Variants in NDRG4 observed in about 807,000 individuals in gnomAD.
The protein encoded by NDRG4 is NDRG family member 4.
In NDRG4, 38 loss-of-function variants were observed where a neutral mutation model predicts 55.8. That is an observed-to-expected ratio of 0.68 (90% confidence interval 0.53 to 0.89). The LOEUF (loss-of-function observed/expected upper bound fraction) is 0.89. Ranked by LOEUF, NDRG4 falls within the 40% of genes least tolerant of loss-of-function variation. The pLI is 0.00. For missense variants in NDRG4, 455 were observed against 468.6 expected (o/e 0.97, Z 0.27); for synonymous variants, 190 against 182.7 (o/e 1.04, Z -0.32).
chr16:58,510,702 C>T lies in NDRG4; in HGVS notation c.904+19C>T. On this transcript the variant is annotated intron_variant, in intron 14 of 14. Transcript: ENST00000570248. ...GGAGCAGGTAGCCCCACGGCCCTTC[C>T]CCTGATGCATGGACGCCCAGCCTCC... 6.5e-7 allele frequency: 1 copy of T among 1,535,544 alleles called. No individual in the cohort carries two copies. Among genetic ancestry groups the T allele is most frequent in the Non-Finnish European group, 8.7e-7 (1 of 1,146,484 alleles).
At chr16:58,481,722 T>C (rs1029270804) in intron 1 of NDRG4, among the ~76,000 whole-genome samples, 1 of 152,118 alleles carries the variant, frequency 6.6e-6, no homozygotes, top group Non-Finnish European at 1.5e-5. Context: ...CAGGAGGACT[T>C]GCACCAGTCA....
Position 58,464,436 on chromosome 16 carries a change from G to C in NDRG4, c.-24+639G>C. 7.3e-7 allele frequency: 1 copy of C among 1,364,646 alleles called. No individual in the cohort carries two copies. The highest frequency in any genetic ancestry group is 9.4e-7 in the Non-Finnish European group (1 of 1,061,378). 84.5% of individuals were successfully genotyped at this position (1,364,646 alleles called of 1,614,324 possible). On this transcript the variant is annotated intron_variant, in intron 1 of 15. Transcript: ENST00000258187. This position sits in a 1 kb window ranked among gnomAD's most constrained non-coding sequence, Gnocchi z 4.8. The stretch of plus-strand genomic sequence containing the variant: ...GGGCCGCGCCGGGCGCCGAGATGAA[G>C]GTGCTGGGACACCGGCTGGAGCTGC...
At chr16:58,497,613 A>G (rs1245592196), upstream of NDRG4, among the ~76,000 whole-genome samples, 1 of 152,190 alleles carries the variant, frequency 6.6e-6, no homozygotes, top group African/African-American at 2.4e-5. Flanking sequence ...TGTTTCTCCC[A>G]TTTACATACG....
intron 10 of NDRG4, 127 bp downstream of exon 10, chr16:58,508,126 G>T: frequency 2.6e-6 from 2 of 784,046 alleles, no homozygotes; most frequent in South Asian, 2.2e-5. Context: ...TGGACGGTGG[G>T]CTTCTTGTCC....
chr16:58,498,275 A>T (rs2036628592), upstream of NDRG4, among the ~76,000 whole-genome samples: 1 of 151,974 alleles, frequency 6.6e-6, no homozygotes, highest in Non-Finnish European at 1.5e-5. Flanking sequence ...CATGGCCAGG[A>T]GGTGACGGGC....
At position 58,507,019 on chromosome 16, in the gene NDRG4, C is replaced by G. The variant is rs775296409; in HGVS notation, c.620+4C>G. 6.2e-7 allele frequency: 1 copy of G among 1,610,542 alleles called. No individual in the cohort carries two copies. The highest frequency in any genetic ancestry group is 8.5e-7 in the Non-Finnish European group (1 of 1,178,002). ...TCTTCTGGAACATGTACAACAGGTGCGGGTGGGATCAGCAGCCCTGGGACC... is the reference window on the plus strand; with the variant it reads ...TCTTCTGGAACATGTACAACAGGTGGGGGTGGGATCAGCAGCCCTGGGACC... On this transcript the variant is annotated splice_donor_region_variant and intron_variant, in intron 8 of 14. Coordinates refer to ENST00000570248, the MANE Select transcript of NDRG4 (RefSeq NM_001242835.2).
At chr16:58,510,843 G>A (rs917507361) in intron 14 of NDRG4, 160 bp downstream of exon 14, 5 of 706,216 alleles carry the variant, frequency 7.1e-6, no homozygotes, top group African/African-American at 7.0e-5. Flanking sequence ...TTGCTTTTCT[G>A]CAGGCTTGGC....
At chr16:58,496,611 C>T (rs531507714), upstream of NDRG4, among the ~76,000 whole-genome samples, 23 of 152,186 alleles carry the variant, frequency 1.5e-4, no homozygotes, top group South Asian at 3.7e-3. Flanking sequence ...GTTCTGGCCC[C>T]GCCACTTCCA....
chr16:58,471,180 G>A (rs977293365), intron 1 of NDRG4, among the ~76,000 whole-genome samples: 6 of 135,876 alleles, frequency 4.4e-5, no homozygotes, highest in African/African-American at 1.7e-4. Context: ...GAATGAATGT[G>A]TGTTGCTTTT....
At chr16:58,473,087 T>C (rs1286021748) in intron 1 of NDRG4, among the ~76,000 whole-genome samples, 1 of 152,204 alleles carries the variant, frequency 6.6e-6, no homozygotes, top group Non-Finnish European at 1.5e-5. Context: ...GAAGTACAAA[T>C]TGTTTTCTAA....
chr16:58,494,720 G>A (rs376362929), intron 2 of NDRG4, among the ~76,000 whole-genome samples: 15 of 151,512 alleles, frequency 9.9e-5, no homozygotes, highest in Non-Finnish European at 1.6e-4. Flanking sequence ...TAATCCCAGC[G>A]CTTTAGGAGG....
In NDRG4 at chr16:58,512,992, C is replaced by G. The variant is rs2038956656; in HGVS notation, c.*1416C>G. 6.6e-6 allele frequency: 1 copy of G among 152,630 alleles called. No homozygotes were observed. Among genetic ancestry groups the G allele is most frequent in the African/African-American group, 2.4e-5 (1 of 41,412 alleles). 9.5% of individuals were successfully genotyped at this position (152,630 alleles called of 1,614,324 possible). On this transcript the variant is annotated 3_prime_UTR_variant, in exon 15 of 15. Coordinates refer to ENST00000570248, the MANE Select transcript of NDRG4 (RefSeq NM_001242835.2). Reference sequence around the variant, plus strand: ...TTCTATAATCTTAAGCCATGACTAGCCTGGTGGCGTGTTAGTTTCTGCCCA... The same window carrying G: ...TTCTATAATCTTAAGCCATGACTAGGCTGGTGGCGTGTTAGTTTCTGCCCA...
intron 12 of NDRG4, 50 bp from the exon 13 acceptor site, chr16:58,509,251 G>A: frequency 6.2e-7 from 1 of 1,613,870 alleles, no homozygotes; most frequent in Non-Finnish European, 8.5e-7. Context: ...TACCCTACCT[G>A]CTAATCCTAG....
intron 2 of NDRG4, among the ~76,000 whole-genome samples, chr16:58,493,893 G>A (rs145015831): frequency 1.3e-5 from 2 of 152,296 alleles, no homozygotes; most frequent in African/African-American, 2.4e-5. Flanking sequence ...ATGGGGAGAC[G>A]GGGACCCAGA....
intron 1 of NDRG4, among the ~76,000 whole-genome samples, chr16:58,470,103 G>GT (rs2032487687): frequency 6.6e-6 from 1 of 152,172 alleles, no homozygotes; most frequent in East Asian, 1.9e-4. Flanking sequence ...ATTGCATGTG[G>GT]TTTTTACTTT....
intron 1 of NDRG4, among the ~76,000 whole-genome samples, chr16:58,502,480 T>C (rs1272390884): frequency 4.6e-5 from 7 of 152,148 alleles, no homozygotes; most frequent in Non-Finnish European, 8.8e-5. Flanking sequence ...GGCCACCAGG[T>C]TGGTGCCAGC....
At chr16:58,482,665 A>ATCTCTCCCTTCCTTCC (rs2034552790) in intron 1 of NDRG4, among the ~76,000 whole-genome samples, 1 of 71,080 alleles carries the variant, frequency 1.4e-5, no homozygotes, top group African/African-American at 4.5e-5. Context: ...CTCTCTTTCC[A>ATCTCTCCCTTCCTTCC]TCCCTCCCTT....
intron 1 of NDRG4, among the ~76,000 whole-genome samples, chr16:58,482,790 C>T (rs974240437): frequency 1.4e-5 from 2 of 138,492 alleles, no homozygotes; most frequent in African/African-American, 5.2e-5. Context: ...CCTTCTCTCT[C>T]TCTCTTTCTT....
chr16:58,507,663 A>C, intron 8 of NDRG4, 145 bp from the exon 9 acceptor site: 1 of 768,258 alleles, frequency 1.3e-6, no homozygotes, highest in Non-Finnish European at 2.1e-6. Context: ...GAGTCCAAAA[A>C]GCCGTGACAG....
Sources: gnomAD v4.1 joint callset for allele counts (sites outside exome capture counted in the v4.1 genomes callset) on GRCh38, gnomAD v4.1.1 for gene constraint, Gnocchi (gnomAD v3.1) non-coding constraint, MANE v1.5 for transcripts, NCBI Gene and HGNC (gene_info 2026-07-23, HGNC 2026-07-21) for gene names.